Variants in PABPC1 observed in about 807,000 individuals in gnomAD.
PABPC1 encodes poly(A) binding protein cytoplasmic 1, also known as polyadenylate-binding protein 1.
A neutral mutation model predicts 74.0 loss-of-function variants in PABPC1; 4 were observed. That is an observed-to-expected ratio of 0.05 (90% confidence interval 0.03 to 0.12). The LOEUF is 0.12. Ranked by LOEUF, PABPC1 falls within the 10% of genes least tolerant of loss-of-function variation. The probability of loss-of-function intolerance (pLI) is 1.00; values close to 1 mark genes in which losing one functional copy is unlikely to be tolerated. For synonymous variants in PABPC1, 227 were observed against 264.1 expected, an observed-to-expected ratio of 0.86 and a Z score of 1.36; for missense variants, 271 against 821.1, an observed-to-expected ratio of 0.33 and a Z score of 8.19.
Position 100,712,473 on chromosome 8 carries a change from GA to G in PABPC1, c.877-17del. 7.0e-7 allele frequency: 1 copy of G among 1,426,974 alleles called. No homozygotes were observed. The highest frequency in any genetic ancestry group is 9.6e-7 in the Non-Finnish European group (1 of 1,043,798). 88.4% of individuals were successfully genotyped at this position (1,426,974 alleles called of 1,614,324 possible). On this transcript the variant is annotated splice_polypyrimidine_tract_variant and intron_variant, in intron 6 of 14. Transcript: ENST00000318607. The stretch of plus-strand genomic sequence containing the variant: ...GATTAACACCCTAAAAAGAAGAAAA[GA>G]AAACTATAGAAAAAGAAAACCATGG...
chr8:100,711,353 A>G (rs1050972966), intron 7 of PABPC1, among the ~76,000 whole-genome samples: 1 of 152,102 alleles, frequency 6.6e-6, no homozygotes, highest in Non-Finnish European at 1.5e-5. Context: ...CTTGGGCCGC[A>G]TGTGGCCTGC....
intron 4 of PABPC1, among the ~76,000 whole-genome samples, chr8:100,714,863 T>A (rs1056967378): frequency 6.6e-6 from 1 of 152,230 alleles, no homozygotes; most frequent in Non-Finnish European, 1.5e-5. Context: ...TTATTTTATC[T>A]GTTATACCCC....
Position 100,705,572 on chromosome 8 carries a change from G to C in PABPC1, c.1687+17C>G. 7.3e-7 allele frequency: 1 copy of C among 1,360,562 alleles called. No individual in the cohort carries two copies. Among genetic ancestry groups the C allele is most frequent in the African/African-American group, 1.4e-5 (1 of 69,094 alleles). The allele number at this position is 1,360,562 out of a possible 1,614,324, so 84.3% of individuals were successfully genotyped here. On this transcript the variant is annotated intron_variant, in intron 12 of 14. Transcript: ENST00000318607. ...TCTAGTCTTTCTGAACTGACAAGGT[G>C]GGACAGAAGTACTCACCCAACATTT... is the stretch of plus-strand genomic sequence containing the variant.
At chr8:100,710,971 A>G (rs1810513049) in intron 7 of PABPC1, among the ~76,000 whole-genome samples, 1 of 151,572 alleles carries the variant, frequency 6.6e-6, no homozygotes, top group South Asian at 2.1e-4. Context: ...CAAAAAAATA[A>G]AACAAATGTT....
intron 3 of PABPC1, among the ~76,000 whole-genome samples, chr8:100,717,415 A>G (rs948531690): frequency 2.0e-5 from 3 of 152,116 alleles, no homozygotes; most frequent in Non-Finnish European, 2.9e-5. Flanking sequence ...AGAATTATGA[A>G]TATTAGGTTT....
rs1177233161 is a variant in PABPC1 at position 100,721,416 on chromosome 8, A to G, written c.168T>C (p.Tyr56=). The G allele has an allele frequency of 6.4e-7, 1 of 1,569,570 alleles. No homozygotes were observed. Among genetic ancestry groups the G allele is most frequent in the South Asian group, 1.2e-5 (1 of 86,688 alleles). The change falls in exon 1 of 15, where the codon TAT becomes TAC. Residue 56 remains tyrosine (Y), a synonymous_variant. Transcript: ENST00000318607. The surrounding 1 kb of genome is among the most constrained non-coding windows in gnomAD (Gnocchi z 7.4). The part of the protein sequence containing the change: ...MITRRSLGYA[Y]VNFQQPADAE... ...CGTCCGCCGGCTGCTGGAAGTTCAC[A>G]TACGCGTAGCCCAAGGAGCGGCGGG... is the stretch of plus-strand genomic sequence containing the variant.
chr8:100,704,685 T>C (rs961415390), intron 13 of PABPC1, among the ~76,000 whole-genome samples: 72 of 152,338 alleles, frequency 4.7e-4, no homozygotes, highest in African/African-American at 1.7e-3. Context: ...TTGGAGCTGA[T>C]GGGATTTGAA....
intron 12 of PABPC1, 33 bp from the exon 13 acceptor site, chr8:100,705,089 A>AT: frequency 6.3e-7 from 1 of 1,594,430 alleles, no homozygotes; most frequent in Non-Finnish European, 8.5e-7. Flanking sequence ...ACTCCCTTCA[A>AT]TAAAAAAAAG....
Position 100,721,627 on chromosome 8 carries a change from T to C in PABPC1, c.-44A>G, listed in dbSNP as rs1015130067. 4.4e-6 allele frequency: 6 copies of C among 1,363,826 alleles called. No homozygotes were observed. The highest frequency in any genetic ancestry group is 5.8e-6 in the Non-Finnish European group (6 of 1,042,646). The allele number at this position is 1,363,826 out of a possible 1,614,324, so 84.5% of individuals were successfully genotyped here. A position where few individuals can be genotyped will look rare whatever the true frequency, so the allele number is the denominator to read the frequency against. ...AGGGCCACAGGCCGCGACCTTTCCG[T>C]GAGAGGAGGAGAGCGAGTGCCGGGG... On this transcript the variant is annotated 5_prime_UTR_variant, in exon 1 of 15. Coordinates refer to ENST00000318607, the MANE Select transcript of PABPC1 (RefSeq NM_002568.4). This position sits in a 1 kb window ranked among gnomAD's most constrained non-coding sequence, Gnocchi z 7.4.
At position 100,703,119 on chromosome 8, in the gene PABPC1, TTG is replaced by T. The variant is rs1249716058; in HGVS notation, c.*240_*241del. ...TTCCCAGGGTCTATAAAACATTAAT[TTG>T]TTTTTATATTTTACTATTTTTTTGT... On this transcript the variant is annotated 3_prime_UTR_variant, in exon 15 of 15. Coordinates refer to ENST00000318607, the MANE Select transcript of PABPC1 (RefSeq NM_002568.4). 1.2e-5 allele frequency: 2 copies of T among 165,642 alleles called. No homozygotes were observed. The highest frequency in any genetic ancestry group is 1.9e-4 in the East Asian group (1 of 5,198). The allele number at this position is 165,642 out of a possible 1,614,324, so 10.3% of individuals were successfully genotyped here. A position where few individuals can be genotyped will look rare whatever the true frequency, so the allele number is the denominator to read the frequency against.
chr8:100,706,754 G>A lies in PABPC1; in HGVS notation c.1499C>T (p.Ala500Val). 2 of 1,614,076 alleles carry A rather than the reference G, an allele frequency of 1.2e-6. No individual in the cohort carries two copies. Among genetic ancestry groups the A allele is most frequent in the South Asian group, 1.1e-5 (1 of 91,086 alleles). Residue 500 changes from alanine to valine, a missense_variant, in exon 11 of 15, where the codon GCA becomes GTA. Ala to Val is a moderately conservative substitution (Grantham distance 64, BLOSUM62 0). Coordinates refer to ENST00000318607, the MANE Select transcript of PABPC1 (RefSeq NM_002568.4). ...MGPRPAAAAA[A>V]ATPAVRTVPQ... The stretch of plus-strand genomic sequence containing the variant: ...AACGGTGCGGACAGCAGGAGTAGCT[G>A]CAGCGGCTGCAGCTGCAGGACGTGG...
At chr8:100,714,953 T>C (rs1007870647) in intron 4 of PABPC1, among the ~76,000 whole-genome samples, 7 of 152,182 alleles carry the variant, frequency 4.6e-5, no homozygotes, top group Non-Finnish European at 1.0e-4. Context: ...ATAAGTACTT[T>C]GAATCACTGG....
rs189862122 is a variant in PABPC1, at chr8:100,704,497, A to G, written c.1819-107T>C. On this transcript the variant is annotated intron_variant, in intron 13 of 14. Transcript: ENST00000318607. ...AACAAAGATAAGTTTCTTCCCTCAA[A>G]TGAAAGTATAAATTGTTACACTAAA... is the stretch of plus-strand genomic sequence containing the variant. 1.1e-5 allele frequency: 10 copies of G among 943,082 alleles called. No homozygotes were observed. In the Admixed American group the frequency reaches 1.3e-4, roughly 13 times the overall value. The allele number at this position is 943,082 out of a possible 1,614,324, so 58.4% of individuals were successfully genotyped here.
At chr8:100,710,237 G>A (rs114728609) in intron 7 of PABPC1, among the ~76,000 whole-genome samples, 2,136 of 152,094 alleles carry the variant, frequency 0.014, 49 homozygotes, top group African/African-American at 0.05. Context: ...TAAATATTAC[G>A]GTATAAAGAA....
chr8:100,720,338 CAT>C (rs1810785319), intron 1 of PABPC1, among the ~76,000 whole-genome samples: 1 of 152,172 alleles, frequency 6.6e-6, no homozygotes. Flanking sequence ...GCATTTCCCC[CAT>C]AAATTTCAAG....
At chr8:100,715,176 C>T (rs1473099887) in intron 4 of PABPC1, among the ~76,000 whole-genome samples, 4 of 149,558 alleles carry the variant, frequency 2.7e-5, no homozygotes, top group Non-Finnish European at 4.4e-5. Context: ...TCTCCAGCCT[C>T]TTAATGTAGT....
Position 100,721,661 on chromosome 8 carries a change from C to T in PABPC1, c.-78G>A. 1 of 505,922 alleles carries T rather than the reference C, an allele frequency of 2.0e-6. No homozygotes were observed. Among genetic ancestry groups the T allele is most frequent in the Non-Finnish European group, 2.8e-6 (1 of 355,462 alleles). 31.3% of individuals were successfully genotyped at this position (505,922 alleles called of 1,614,324 possible). On this transcript the variant is annotated 5_prime_UTR_variant, in exon 1 of 15. Transcript: ENST00000318607. The surrounding 1 kb of genome is among the most constrained non-coding windows in gnomAD (Gnocchi z 7.4). Reference sequence around the variant, plus strand: ...GAGAGCGAGTGCCGGGGCTGGGGGCCGGAGCCGGGGGGAGGGGAGCGGGGA... The same window carrying T: ...GAGAGCGAGTGCCGGGGCTGGGGGCTGGAGCCGGGGGGAGGGGAGCGGGGA...
intron 3 of PABPC1, among the ~76,000 whole-genome samples, chr8:100,715,968 G>A (rs778632788): frequency 5.3e-5 from 8 of 152,312 alleles, no homozygotes; most frequent in Admixed American, 2.0e-4. Flanking sequence ...TGGCGCTTGC[G>A]CTTTCTTTGC....
intron 9 of PABPC1, among the ~76,000 whole-genome samples, chr8:100,707,622 TG>T (rs1196515206): frequency 6.6e-6 from 1 of 152,114 alleles, no homozygotes; most frequent in East Asian, 1.9e-4. Flanking sequence ...GTGTACAGGA[TG>T]GAACATGAAG....
Sources: gnomAD v4.1 joint callset for allele counts (sites outside exome capture counted in the v4.1 genomes callset) on GRCh38, gnomAD v4.1.1 for gene constraint, Gnocchi (gnomAD v3.1) non-coding constraint, MANE v1.5 for transcripts, NCBI Gene and HGNC (gene_info 2026-07-23, HGNC 2026-07-21) for gene names.